Variants in JAM3 observed in about 807,000 individuals in gnomAD.
JAM3 encodes the protein junctional adhesion molecule 3, also known as junctional adhesion molecule C.
In JAM3, 31 loss-of-function variants were observed where a neutral mutation model predicts 39.4. The observed-to-expected ratio is 0.79, with a 90% CI of 0.59 to 1.06. The LOEUF is 1.06. Ranked by LOEUF, JAM3 falls within the 50% of genes least tolerant of loss-of-function variation. JAM3 has a pLI of 0.00. For missense variants in JAM3, 455 were observed against 391.4 expected (o/e 1.16, Z -1.37); for synonymous variants, 182 against 148.7 (o/e 1.22, Z -1.63).
intron 1 of JAM3, among the ~76,000 whole-genome samples, chr11:134,097,159 C>T (rs1313497029): frequency 6.6e-6 from 1 of 152,162 alleles, no homozygotes; most frequent in Non-Finnish European, 1.5e-5. Flanking sequence ...TGAGGGGAAA[C>T]ACCATGAGAG....
intron 1 of JAM3, among the ~76,000 whole-genome samples, chr11:134,123,099 G>A (rs1203173821): frequency 6.6e-6 from 1 of 152,172 alleles, no homozygotes; most frequent in Non-Finnish European, 1.5e-5. Flanking sequence ...ACTTTGTCTA[G>A]TATTAGATAG....
At chr11:134,072,098 T>C (rs1185961448) in intron 1 of JAM3, among the ~76,000 whole-genome samples, 2 of 152,172 alleles carry the variant, frequency 1.3e-5, no homozygotes, top group African/African-American at 4.8e-5. Context: ...AACCAGACTT[T>C]CCTCAAGTAT....
chr11:134,149,428 T>C lies in JAM3; in HGVS notation c.*247T>C. 1.7e-6 allele frequency: 1 copy of C among 605,150 alleles called. No homozygotes were observed. The allele number at this position is 605,150 out of a possible 1,614,324, so 37.5% of individuals were successfully genotyped here. Reference sequence around the variant, plus strand: ...GCGAAACTGGGTGCGTTCACTGAGTTGGGTTCCTAATCTGTTTCTGGCCTG... The same window carrying C: ...GCGAAACTGGGTGCGTTCACTGAGTCGGGTTCCTAATCTGTTTCTGGCCTG... On this transcript the variant is annotated 3_prime_UTR_variant, in exon 9 of 9. Transcript: ENST00000299106.
intron 1 of JAM3, among the ~76,000 whole-genome samples, chr11:134,070,451 A>G (rs1349449528): frequency 6.6e-6 from 1 of 152,194 alleles, no homozygotes; most frequent in Non-Finnish European, 1.5e-5. Context: ...GCTTTATGCT[A>G]ATGGGATGCT....
intron 1 of JAM3, among the ~76,000 whole-genome samples, chr11:134,096,165 C>T (rs1591779282): frequency 2.0e-5 from 3 of 151,976 alleles, no homozygotes; most frequent in East Asian, 1.9e-4. Flanking sequence ...TTAGTAGAGA[C>T]GGGGTTTCTC....
intron 1 of JAM3, among the ~76,000 whole-genome samples, chr11:134,104,294 G>A (rs1731058116): frequency 6.6e-6 from 1 of 152,146 alleles, no homozygotes; most frequent in African/African-American, 2.4e-5. Flanking sequence ...AAATAAAGAT[G>A]TTATTTGAAA....
At chr11:134,137,573 T>G (rs1191088785) in intron 1 of JAM3, among the ~76,000 whole-genome samples, 1 of 152,212 alleles carries the variant, frequency 6.6e-6, no homozygotes, top group Non-Finnish European at 1.5e-5. Context: ...CATAGTCCCT[T>G]AGAGCCAGTG....
intron 1 of JAM3, among the ~76,000 whole-genome samples, chr11:134,095,843 G>A (rs1320697411): frequency 1.3e-5 from 2 of 152,084 alleles, no homozygotes; most frequent in Non-Finnish European, 2.9e-5. Context: ...CATCTTAAAT[G>A]TTGTCATCTA....
chr11:134,076,155 T>C (rs5014920), intron 1 of JAM3, among the ~76,000 whole-genome samples: 4,733 of 72,140 alleles, frequency 0.066, 163 homozygotes, highest in African/African-American at 0.23. Flanking sequence ...TTCTTTCTTT[T>C]TTTTTTTTTT....
Position 134,142,554 on chromosome 11 carries a change from C to T in JAM3, c.257-1687C>T, listed in dbSNP as rs189869440. Among the ~76,000 whole-genome samples the T allele has an allele frequency of 1.9e-4, 29 of 152,274 alleles. No homozygotes were observed. In the East Asian group the frequency reaches 4.4e-3, roughly 23 times the overall value. ...TGTCATGTTTTCCTAACTCCTTCCCCTATTTGTTGTTTTCCAGGTTCTTCC... is the reference window on the plus strand; with the variant it reads ...TGTCATGTTTTCCTAACTCCTTCCCTTATTTGTTGTTTTCCAGGTTCTTCC... On this transcript the variant is annotated intron_variant, in intron 3 of 8. Transcript: ENST00000299106.
chr11:134,142,074 G>A (rs1378841963), intron 3 of JAM3, among the ~76,000 whole-genome samples: 2 of 152,042 alleles, frequency 1.3e-5, no homozygotes, highest in Non-Finnish European at 2.9e-5. Context: ...TGTTTTCTTT[G>A]GCTACTCAGG....
chr11:134,107,809 G>A (rs768518948), intron 1 of JAM3, among the ~76,000 whole-genome samples: 23 of 152,014 alleles, frequency 1.5e-4, no homozygotes, highest in Admixed American at 1.3e-4. Context: ...GCTACAGTGA[G>A]CTAATATTAC....
intron 1 of JAM3, among the ~76,000 whole-genome samples, chr11:134,075,311 C>A (rs1230834510): frequency 6.6e-6 from 1 of 152,058 alleles, no homozygotes; most frequent in Non-Finnish European, 1.5e-5. Context: ...AATTGACTGA[C>A]TTAAGTATAG....
At chr11:134,074,706 CAA>C in intron 1 of JAM3, among the ~76,000 whole-genome samples, 1 of 152,202 alleles carries the variant, frequency 6.6e-6, no homozygotes, top group East Asian at 1.9e-4. Context: ...CAAAGCGAGC[CAA>C]AATTTATTGA....
At chr11:134,084,832 G>A (rs1395434462) in intron 1 of JAM3, among the ~76,000 whole-genome samples, 1 of 152,188 alleles carries the variant, frequency 6.6e-6, no homozygotes, top group Admixed American at 6.5e-5. Context: ...CAGTTAAGAT[G>A]GTTCTCTTCT....
At chr11:134,134,398 C>CAAAAAAAAAAAAAAAAAAAAA (rs34729848) in intron 1 of JAM3, among the ~76,000 whole-genome samples, 15 of 31,916 alleles carry the variant, frequency 4.7e-4, no homozygotes, top group Non-Finnish European at 6.0e-4. Flanking sequence ...GGATAAATGC[C>CAAAAAAAAAAAAAAAAAAAAA]AAAAAAAAAA....
In JAM3 at chr11:134,149,204, G is replaced by A. The variant is rs748052431; in HGVS notation, c.*23G>A. ...TGAGACCCGCGGTGTGGCTGAGAGCGCACAGAGCGCACGTGCACATACCTC... is the reference window on the plus strand; with the variant it reads ...TGAGACCCGCGGTGTGGCTGAGAGCACACAGAGCGCACGTGCACATACCTC... On this transcript the variant is annotated 3_prime_UTR_variant, in exon 9 of 9. Coordinates refer to ENST00000299106, the MANE Select transcript of JAM3 (RefSeq NM_032801.5). 1.2e-5 allele frequency: 20 copies of A among 1,613,708 alleles called. No individual in the cohort carries two copies. Among genetic ancestry groups the A allele is most frequent in the East Asian group, 6.7e-5 (3 of 44,896 alleles).
At chr11:134,073,221 A>G (rs753850497) in intron 1 of JAM3, among the ~76,000 whole-genome samples, 16 of 152,156 alleles carry the variant, frequency 1.1e-4, no homozygotes, top group Admixed American at 8.5e-4. Context: ...TGTCCCAGGA[A>G]TGCTGTAGTG....
Position 134,074,252 on chromosome 11 carries a change from T to C in JAM3, c.76+5093T>C, listed in dbSNP as rs990593685. ...TGTTTTCTGCTTTTCTTTGTTTTTGTTTTCCTGGTTGATTCTTGTATTCCT... is the reference window on the plus strand; with the variant it reads ...TGTTTTCTGCTTTTCTTTGTTTTTGCTTTCCTGGTTGATTCTTGTATTCCT... On this transcript the variant is annotated intron_variant, in intron 1 of 8. Transcript: ENST00000299106. 6.8e-4 allele frequency among the ~76,000 whole-genome samples: 104 copies of C among 152,344 alleles called. 2 individuals are homozygous for C. Among genetic ancestry groups the C allele is most frequent in the East Asian group, 3.9e-4 (2 of 5,188 alleles).
Sources: allele counts gnomAD v4.1 joint callset (sites outside exome capture counted in the v4.1 genomes callset), GRCh38; gene constraint gnomAD v4.1.1; transcripts MANE v1.5; gene names NCBI Gene and HGNC (gene_info 2026-07-23, HGNC 2026-07-21).